NRG1: variants seen among roughly 807,000 people sequenced by gnomAD.
The protein encoded by NRG1 is pro-neuregulin-1, membrane-bound isoform.
In NRG1, 18 loss-of-function variants were observed where a neutral mutation model predicts 63.8. The ratio of observed to expected loss-of-function variants is 0.28; its 90% CI spans 0.19 to 0.42. The LOEUF (loss-of-function observed/expected upper bound fraction) is 0.42, where lower values mean the gene tolerates loss of function less well. Among genes scored for constraint, NRG1 ranks in the 10% least tolerant of loss-of-function variants. NRG1 has a pLI of 1.00. For synonymous variants in NRG1, 302 were observed against 301.3 expected (o/e 1.00, Z -0.02); for missense variants, 762 against 814.7 (o/e 0.94, Z 0.79).
At chr8:32,342,862 C>A (rs987649425) in intron 1 of NRG1, among the ~76,000 whole-genome samples, 4 of 152,190 alleles carry the variant, frequency 2.6e-5, no homozygotes, top group Non-Finnish European at 5.9e-5. Context: ...CCGTGGTCCA[C>A]TTCAACAGTA....
intron 5 of NRG1, among the ~76,000 whole-genome samples, chr8:32,668,714 T>G (rs1804856370): frequency 6.6e-6 from 1 of 152,228 alleles, no homozygotes; most frequent in African/African-American, 2.4e-5. Flanking sequence ...TTCCATTCTA[T>G]AAGATTCCTA....
chr8:32,470,062 G>A (rs1397415806), intron 1 of NRG1, among the ~76,000 whole-genome samples: 3 of 144,086 alleles, frequency 2.1e-5, no homozygotes, highest in Non-Finnish European at 4.5e-5. Flanking sequence ...TAGTAGAGAC[G>A]GGGTTTCACC....
chr8:32,454,592 T>G (rs1433172444), intron 1 of NRG1, among the ~76,000 whole-genome samples: 1 of 148,272 alleles, frequency 6.7e-6, no homozygotes, highest in Non-Finnish European at 1.5e-5. Flanking sequence ...TTTTTTTTTT[T>G]TTTTTTTGGT....
intron 1 of NRG1, among the ~76,000 whole-genome samples, chr8:31,691,594 CA>C (rs71208138): frequency 7.8e-3 from 271 of 34,956 alleles, no homozygotes; most frequent in African/African-American, 0.031. Context: ...GACTCTGTCT[CA>C]AAAAAAAAAA....
intron 1 of NRG1, among the ~76,000 whole-genome samples, chr8:31,905,389 T>C (rs1832440809): frequency 6.6e-6 from 1 of 152,180 alleles, no homozygotes. Context: ...ACACTTGAGT[T>C]TCTGGAGACA....
At chr8:31,954,814 G>T (rs1804093758) in intron 1 of NRG1, among the ~76,000 whole-genome samples, 1 of 152,120 alleles carries the variant, frequency 6.6e-6, no homozygotes, top group Non-Finnish European at 1.5e-5. Context: ...CTAGAGATCT[G>T]TCAATTCACA....
At chr8:32,174,118 A>G (rs1375553120) in intron 1 of NRG1, among the ~76,000 whole-genome samples, 4 of 152,216 alleles carry the variant, frequency 2.6e-5, no homozygotes, top group Admixed American at 6.5e-5. Context: ...AATGTAAAAG[A>G]ACAGAAATTA....
chr8:32,262,333 T>G (rs372625396), intron 1 of NRG1, among the ~76,000 whole-genome samples: 34 of 152,256 alleles, frequency 2.2e-4, no homozygotes, highest in African/African-American at 7.7e-4. Context: ...TGATGTATAG[T>G]GGGTACAGAA....
chr8:31,920,221 G>A (rs891594483), intron 1 of NRG1, among the ~76,000 whole-genome samples: 5 of 152,010 alleles, frequency 3.3e-5, no homozygotes, highest in African/African-American at 1.2e-4. Flanking sequence ...GATTAGAATT[G>A]TGATACTTGT....
intron 1 of NRG1, among the ~76,000 whole-genome samples, chr8:32,369,147 A>G (rs897054579): frequency 2.0e-5 from 3 of 152,222 alleles, no homozygotes; most frequent in African/African-American, 7.2e-5. Flanking sequence ...GTCAACTTGG[A>G]GGCCGTGGCC....
intron 1 of NRG1, among the ~76,000 whole-genome samples, chr8:32,053,183 T>A (rs763840497): frequency 9.2e-5 from 14 of 152,166 alleles, no homozygotes; most frequent in Non-Finnish European, 1.9e-4. Flanking sequence ...GCTGGTTGAA[T>A]TGACTCTAGA....
At chr8:32,210,307 A>G (rs981365459) in intron 1 of NRG1, among the ~76,000 whole-genome samples, 7 of 152,200 alleles carry the variant, frequency 4.6e-5, no homozygotes, top group South Asian at 2.1e-4. Context: ...ACCCAAGTAC[A>G]TATTCCAGTG....
At chr8:31,642,995 TGTGTGA>T (rs1178368612) in intron 1 of NRG1, among the ~76,000 whole-genome samples, 2 of 151,848 alleles carry the variant, frequency 1.3e-5, no homozygotes, top group Non-Finnish European at 2.9e-5. Flanking sequence ...TGTGTGTGTG[TGTGTGA>T]GAGAGAGAAT....
chr8:31,894,593 C>T (rs1831417832), intron 1 of NRG1, among the ~76,000 whole-genome samples: 1 of 149,284 alleles, frequency 6.7e-6, no homozygotes, highest in Non-Finnish European at 1.5e-5. Context: ...CTCTGTCGCC[C>T]AGGCTGGAGT....
At chr8:31,901,417 G>T (rs906357590) in intron 1 of NRG1, among the ~76,000 whole-genome samples, 5 of 152,046 alleles carry the variant, frequency 3.3e-5, no homozygotes, top group Admixed American at 2.0e-4. Flanking sequence ...ATCTGAAAAA[G>T]AAAAAAGTGA....
rs575219791 is a variant in NRG1, at chr8:32,482,760, G to T, written c.38-113068G>T. On this transcript the variant is annotated intron_variant, in intron 1 of 10. Coordinates refer to the NRG1 transcript ENST00000519301. ...ACTCAAGGTCCCCAGACTCTTTCGA[G>T]TGTTGAATCAGAAGGACTGGAGCTG... 2.0e-5 allele frequency among the ~76,000 whole-genome samples: 3 copies of T among 152,298 alleles called. No homozygotes were observed. The South Asian group carries it at 6.2e-4, about 32-fold the overall frequency.
At chr8:32,699,553 T>A (rs1339467825) in intron 5 of NRG1, among the ~76,000 whole-genome samples, 1 of 152,218 alleles carries the variant, frequency 6.6e-6, no homozygotes, top group Non-Finnish European at 1.5e-5. Context: ...CAAATGCAGA[T>A]GTAATTTTAT....
chr8:32,341,067 C>G (rs901223275), intron 1 of NRG1, among the ~76,000 whole-genome samples: 1 of 152,134 alleles, frequency 6.6e-6, no homozygotes, highest in African/African-American at 2.4e-5. Flanking sequence ...AGAGATGTAG[C>G]TCAAATCATT....
At chr8:31,991,845 T>C (rs1293617308) in intron 1 of NRG1, among the ~76,000 whole-genome samples, 1 of 152,026 alleles carries the variant, frequency 6.6e-6, no homozygotes, top group Non-Finnish European at 1.5e-5. Flanking sequence ...CAATACACTA[T>C]TGAAAATTTC....
Sources: gnomAD v4.1 joint callset for allele counts (sites outside exome capture counted in the v4.1 genomes callset) on GRCh38, gnomAD v4.1.1 for gene constraint, MANE v1.5 for transcripts, NCBI Gene and HGNC (gene_info 2026-07-23, HGNC 2026-07-21) for gene names.